The following GPHN variants were observed in gnomAD, a reference collection of about 807,000 sequenced individuals.
The protein encoded by GPHN is gephyrin.
A neutral mutation model predicts 95.5 loss-of-function variants in GPHN; 17 were observed. That is an observed-to-expected ratio of 0.18 (90% CI 0.12 to 0.27). The LOEUF (loss-of-function observed/expected upper bound fraction) is 0.27, where lower values mean the gene tolerates loss of function less well. GPHN is among the 10% of genes least tolerant of loss of function. The pLI, the probability that GPHN is intolerant of heterozygous loss-of-function variation, is 1.00. For missense variants in GPHN, 660 were observed against 978.1 expected (o/e 0.67, Z 4.34); for synonymous variants, 320 against 322.5 (o/e 0.99, Z 0.08).
the GPHN span, among the ~76,000 whole-genome samples, chr14:67,458,011 C>G: frequency 2.6e-5 from 4 of 152,322 alleles, no homozygotes; most frequent in Admixed American, 2.6e-4. Flanking sequence ...ATCCCTGTGG[C>G]CTGACACTCC....
chr14:67,413,781 A>G, the GPHN span, among the ~76,000 whole-genome samples: 1 of 152,188 alleles, frequency 6.6e-6, no homozygotes. Context: ...TGGGGCTTCC[A>G]TTCCAATTCA....
the GPHN span, chr14:67,573,135 A>G: frequency 1.6e-6 from 1 of 613,862 alleles, no homozygotes; most frequent in Non-Finnish European, 2.9e-6. The surrounding 1 kb of genome is among the most constrained non-coding windows in gnomAD (Gnocchi z 4.8). Context: ...GGTACTCTGA[A>G]AATACACTGA....
chr14:66,985,580 T>TC (rs2070970616), intron 9 of GPHN: 1 of 699,502 alleles, frequency 1.4e-6, no homozygotes, highest in African/African-American at 1.8e-5. Flanking sequence ...CCACAGAGAG[T>TC]CAATTGATGT....
the GPHN span, among the ~76,000 whole-genome samples, chr14:67,522,733 G>T: frequency 6.6e-6 from 1 of 152,068 alleles, no homozygotes; most frequent in Non-Finnish European, 1.5e-5. Flanking sequence ...TCTCCCATAG[G>T]AGCCGGCTGA....
the GPHN span, chr14:67,588,926 T>C: frequency 3.9e-5 from 6 of 151,926 alleles, no homozygotes; most frequent in East Asian, 9.6e-4. Flanking sequence ...TTAAATGTAC[T>C]TGACTTTGCA....
At chr14:67,478,651 C>T in the GPHN span, among the ~76,000 whole-genome samples, 3 of 152,224 alleles carry the variant, frequency 2.0e-5, no homozygotes, top group Non-Finnish European at 4.4e-5. Flanking sequence ...CACAACTCGT[C>T]CCTGCCTCCA....
intron 10 of GPHN, among the ~76,000 whole-genome samples, chr14:67,046,850 C>T (rs1208289482): frequency 6.6e-6 from 1 of 152,202 alleles, no homozygotes; most frequent in Non-Finnish European, 1.5e-5. Context: ...GCTTTGGAAC[C>T]ACTTTCTCCT....
At chr14:67,732,978 G>C in the GPHN span, among the ~76,000 whole-genome samples, 3,755 of 152,166 alleles carry the variant, frequency 0.025, 61 homozygotes, top group Middle Eastern at 0.034. Context: ...AAAAAACATG[G>C]GGGGAGCGGG....
At chr14:66,849,622 T>C (rs568485151) in intron 4 of GPHN, among the ~76,000 whole-genome samples, 1 of 152,214 alleles carries the variant, frequency 6.6e-6, no homozygotes, top group South Asian at 2.1e-4. Flanking sequence ...ATCTGGTAGG[T>C]GAAAAATTGT....
At chr14:66,557,605 T>G (rs1439507798) in intron 1 of GPHN, among the ~76,000 whole-genome samples, 1 of 152,206 alleles carries the variant, frequency 6.6e-6, no homozygotes, top group Admixed American at 6.5e-5. Context: ...TACTACATAA[T>G]TATTAAAGGT....
chr14:67,445,775 T>C, the GPHN span, among the ~76,000 whole-genome samples: 1 of 151,562 alleles, frequency 6.6e-6, no homozygotes, highest in East Asian at 1.9e-4. Context: ...TTTGTAGAGA[T>C]GGGATTTTGC....
chr14:66,960,916 T>C (rs1021909636), intron 8 of GPHN, among the ~76,000 whole-genome samples: 1 of 152,090 alleles, frequency 6.6e-6, no homozygotes, highest in Non-Finnish European at 1.5e-5. Context: ...CTTTATCTAT[T>C]GTTTGTCCTG....
At chr14:66,933,897 G>C (rs1464664961) in intron 8 of GPHN, among the ~76,000 whole-genome samples, 1 of 152,080 alleles carries the variant, frequency 6.6e-6, no homozygotes, top group Non-Finnish European at 1.5e-5. Context: ...CCAGCACTTT[G>C]GGAGGCTGAG....
the GPHN span, among the ~76,000 whole-genome samples, chr14:67,485,167 A>T: frequency 6.6e-6 from 1 of 152,232 alleles, no homozygotes; most frequent in South Asian, 2.1e-4. Flanking sequence ...ACCAAACGGT[A>T]CAACAGCCTT....
At chr14:66,739,301 C>G (rs2072582242) in intron 2 of GPHN, among the ~76,000 whole-genome samples, 1 of 150,038 alleles carries the variant, frequency 6.7e-6, no homozygotes, top group African/African-American at 2.5e-5. Flanking sequence ...ACTGCAAGCT[C>G]TGCCTCCCAG....
intron 2 of GPHN, among the ~76,000 whole-genome samples, chr14:66,688,260 C>T (rs901793032): frequency 3.3e-5 from 5 of 151,856 alleles, no homozygotes; most frequent in Admixed American, 6.6e-5. Flanking sequence ...GATGAGGAGG[C>T]GGAGGAAGAG....
At chr14:66,776,215 C>A (rs976243422) in intron 2 of GPHN, among the ~76,000 whole-genome samples, 3 of 152,056 alleles carry the variant, frequency 2.0e-5, no homozygotes, top group African/African-American at 4.8e-5. Flanking sequence ...TTATTAAAAT[C>A]ATCAATAAGA....
intron 1 of GPHN, among the ~76,000 whole-genome samples, chr14:66,585,906 T>A (rs369333215): frequency 1.3e-5 from 2 of 152,104 alleles, no homozygotes; most frequent in African/African-American, 4.8e-5. Flanking sequence ...CTATTAGGTC[T>A]GCTTGGTGCA....
intron 1 of GPHN, among the ~76,000 whole-genome samples, chr14:66,564,008 T>G (rs897248621): frequency 2.6e-5 from 4 of 152,204 alleles, no homozygotes; most frequent in Admixed American, 2.0e-4. Flanking sequence ...ATGTTTCATT[T>G]GAAACATTCA....
Sources: allele counts gnomAD v4.1 joint callset (sites outside exome capture counted in the v4.1 genomes callset), GRCh38; gene constraint gnomAD v4.1.1; non-coding constraint Gnocchi (gnomAD v3.1); transcripts MANE v1.5; gene names NCBI Gene and HGNC (gene_info 2026-07-23, HGNC 2026-07-21).